Variants in RIMS2 observed in about 807,000 individuals in gnomAD.
RIMS2 encodes the protein regulating synaptic membrane exocytosis 2, also known as regulating synaptic membrane exocytosis protein 2.
A neutral mutation model predicts 174.4 loss-of-function variants in RIMS2; 59 were observed. The observed-to-expected ratio is 0.34, with a 90% CI of 0.27 to 0.42. The LOEUF is 0.42. Ranked by LOEUF, RIMS2 falls within the 10% of genes least tolerant of loss-of-function variation. The pLI is 1.00. For missense variants in RIMS2, 1,620 were observed against 1,666.3 expected (o/e 0.97, Z 0.48); for synonymous variants, 606 against 572.5 (o/e 1.06, Z -0.84).
chr8:104,061,374 T>C (rs2096985119), intron 19 of RIMS2, among the ~76,000 whole-genome samples: 1 of 152,124 alleles, frequency 6.6e-6, no homozygotes, highest in African/African-American at 2.4e-5. Flanking sequence ...GTCTGTTTTA[T>C]AGGAGATTAG....
At chr8:104,110,055 T>TAGAATAAAA (rs1469980109) in intron 19 of RIMS2, among the ~76,000 whole-genome samples, 1 of 152,114 alleles carries the variant, frequency 6.6e-6, no homozygotes, top group Admixed American at 6.5e-5. Flanking sequence ...GATTACAATA[T>TAGAATAAAA]AGAATAAAAA....
chr8:103,568,548 A>G (rs191354535), intron 1 of RIMS2: 705 of 449,170 alleles, frequency 1.6e-3, no homozygotes, highest in Non-Finnish European at 2.3e-3. Context: ...CACTGGTGCT[A>G]TAAGTCTGGA....
At chr8:104,246,315 GTCTTT>G (rs889221681) in intron 20 of RIMS2, among the ~76,000 whole-genome samples, 30 of 152,060 alleles carry the variant, frequency 2.0e-4, no homozygotes, top group Admixed American at 6.5e-5. Context: ...TCTCATCTGG[GTCTTT>G]TCTTTTCTTT....
At chr8:104,246,136 G>C (rs2099329077) in intron 20 of RIMS2, among the ~76,000 whole-genome samples, 1 of 152,150 alleles carries the variant, frequency 6.6e-6, no homozygotes, top group Admixed American at 6.5e-5. Context: ...GATGTTTATA[G>C]TCTTATTGGA....
At chr8:104,252,784 A>G (rs2099362176), downstream of RIMS2, 1 of 152,200 alleles carries the variant, frequency 6.6e-6, no homozygotes. Flanking sequence ...TGTTAAATAT[A>G]CAAATCTTAT....
At chr8:103,856,083 T>C (rs1027539258) in intron 3 of RIMS2, among the ~76,000 whole-genome samples, 3 of 152,166 alleles carry the variant, frequency 2.0e-5, no homozygotes, top group Admixed American at 6.6e-5. Flanking sequence ...AGAATACTTA[T>C]TTCTTTTTAT....
chr8:103,932,144 G>A (rs2080099433), intron 12 of RIMS2, among the ~76,000 whole-genome samples: 1 of 152,152 alleles, frequency 6.6e-6, no homozygotes, highest in Non-Finnish European at 1.5e-5. Context: ...CCAATTATCT[G>A]TCTGCATCCC....
chr8:104,233,071 A>G (rs2099239646), intron 19 of RIMS2, among the ~76,000 whole-genome samples: 1 of 152,220 alleles, frequency 6.6e-6, no homozygotes, highest in Admixed American at 6.5e-5. Context: ...ATTGAGCATA[A>G]GCAGACAAGA....
chr8:103,903,376 G>A (rs1416800363), intron 4 of RIMS2, among the ~76,000 whole-genome samples: 3 of 152,008 alleles, frequency 2.0e-5, no homozygotes, highest in Admixed American at 6.6e-5. Context: ...ATGCCTTTAT[G>A]TACTATGTGA....
intron 1 of RIMS2, among the ~76,000 whole-genome samples, chr8:103,515,329 C>T (rs1482107123): frequency 1.3e-5 from 2 of 152,142 alleles, no homozygotes; most frequent in Non-Finnish European, 2.9e-5. Context: ...AATATACTTT[C>T]ACACAGTTTA....
chr8:103,909,995 T>TATAGC, intron 4 of RIMS2: 2 of 461,286 alleles, frequency 4.3e-6, no homozygotes, highest in Non-Finnish European at 7.8e-6. Context: ...ACTCACTATA[T>TATAGC]ATATATATAT....
At chr8:104,176,138 T>C (rs2098891411) in intron 19 of RIMS2, among the ~76,000 whole-genome samples, 1 of 152,158 alleles carries the variant, frequency 6.6e-6, no homozygotes, top group South Asian at 2.1e-4. Context: ...TAATTCTAAC[T>C]TGCTTATACC....
At chr8:103,511,567 G>A (rs1262472812) in intron 1 of RIMS2, among the ~76,000 whole-genome samples, 1 of 152,122 alleles carries the variant, frequency 6.6e-6, no homozygotes, top group Non-Finnish European at 1.5e-5. Context: ...AGTAGTGTAT[G>A]TTATGATTAA....
At chr8:103,621,921 T>TCA (rs2095644418) in intron 1 of RIMS2, among the ~76,000 whole-genome samples, 1 of 152,216 alleles carries the variant, frequency 6.6e-6, no homozygotes, top group South Asian at 2.1e-4. Flanking sequence ...GTACAGCAAC[T>TCA]TAATTTACTG....
chr8:104,186,822 C>T (rs550558641), intron 19 of RIMS2, among the ~76,000 whole-genome samples: 5 of 151,802 alleles, frequency 3.3e-5, no homozygotes, highest in Non-Finnish European at 5.9e-5. Flanking sequence ...TTTGCCTATT[C>T]TAGGACCAAG....
chr8:104,158,917 A>T (rs1241435664), intron 19 of RIMS2, among the ~76,000 whole-genome samples: 1 of 151,850 alleles, frequency 6.6e-6, no homozygotes, highest in African/African-American at 2.4e-5. Flanking sequence ...CCATTTGTCT[A>T]TTTTGCGTTT....
chr8:103,582,418 A>G (rs779502600), intron 1 of RIMS2, among the ~76,000 whole-genome samples: 2 of 152,118 alleles, frequency 1.3e-5, no homozygotes, highest in African/African-American at 2.4e-5. Flanking sequence ...GGAAAAGTAA[A>G]GGGAACTTTG....
intron 1 of RIMS2, among the ~76,000 whole-genome samples, chr8:103,685,531 C>T (rs2096931316): frequency 6.6e-6 from 1 of 152,162 alleles, no homozygotes; most frequent in Non-Finnish European, 1.5e-5. Flanking sequence ...GGGTACAAAA[C>T]ATCCAAATGA....
intron 2 of RIMS2, among the ~76,000 whole-genome samples, chr8:103,763,001 A>ATTTC (rs2098128412): frequency 6.6e-6 from 1 of 152,198 alleles, no homozygotes; most frequent in African/African-American, 2.4e-5. Flanking sequence ...TGTTGACTGA[A>ATTTC]CTATTGTTAT....
Sources: gnomAD v4.1 joint callset for allele counts (sites outside exome capture counted in the v4.1 genomes callset) on GRCh38, gnomAD v4.1.1 for gene constraint, MANE v1.5 for transcripts, NCBI Gene and HGNC (gene_info 2026-07-23, HGNC 2026-07-21) for gene names.